Variants in PTGER4 observed in about 807,000 individuals in gnomAD.
PTGER4 encodes prostaglandin E2 receptor EP4 subtype.
A neutral mutation model predicts 33.2 loss-of-function variants in PTGER4; 11 were observed. The ratio of observed to expected loss-of-function variants is 0.33; its 90% confidence interval spans 0.21 to 0.55. The LOEUF (loss-of-function observed/expected upper bound fraction) is 0.55, where lower values mean the gene tolerates loss of function less well. PTGER4 is among the 20% of genes least tolerant of loss of function. The probability of loss-of-function intolerance (pLI) is 0.92; values close to 1 mark genes in which losing one functional copy is unlikely to be tolerated. For missense variants in PTGER4, 481 were observed against 650.2 expected (o/e 0.74, Z 2.83); for synonymous variants, 275 against 281.5 (o/e 0.98, Z 0.23).
the PTGER4 span, chr5:40,746,798 CT>C: frequency 6.2e-7 from 1 of 1,608,774 alleles, no homozygotes; most frequent in South Asian, 1.1e-5. Flanking sequence ...AAATACATAC[CT>C]TTTATTTTCA....
At chr5:40,716,715 G>C in the PTGER4 span, among the ~76,000 whole-genome samples, 1 of 152,038 alleles carries the variant, frequency 6.6e-6, no homozygotes, top group East Asian at 1.9e-4. Context: ...ATATGCTTAT[G>C]GACTAAAAGC....
the PTGER4 span, among the ~76,000 whole-genome samples, chr5:40,709,812 C>G: frequency 6.6e-6 from 1 of 152,244 alleles, no homozygotes; most frequent in Non-Finnish European, 1.5e-5. Flanking sequence ...ACCAAAACAG[C>G]ATGGTACTGG....
At chr5:40,684,703 G>T (rs1176193665) in intron 2 of PTGER4, among the ~76,000 whole-genome samples, 1 of 152,170 alleles carries the variant, frequency 6.6e-6, no homozygotes, top group Non-Finnish European at 1.5e-5. Flanking sequence ...TTTGAACTGG[G>T]TCATAATTAA....
At chr5:40,718,585 C>G in the PTGER4 span, among the ~76,000 whole-genome samples, 14 of 151,774 alleles carry the variant, frequency 9.2e-5, no homozygotes, top group African/African-American at 3.4e-4. Context: ...ACTAAAAATA[C>G]AAAAATTAGC....
At chr5:40,716,813 G>T in the PTGER4 span, among the ~76,000 whole-genome samples, 1 of 152,218 alleles carries the variant, frequency 6.6e-6, no homozygotes, top group South Asian at 2.1e-4. Flanking sequence ...TACATTTGGG[G>T]ATTTCCTGGG....
At chr5:40,696,329 T>C (rs562373374), downstream of PTGER4, among the ~76,000 whole-genome samples, 2 of 152,184 alleles carry the variant, frequency 1.3e-5, no homozygotes, top group South Asian at 4.1e-4. Context: ...GAACAAACCA[T>C]GTTTGGTTTC....
rs1741149373 is a variant in PTGER4 at position 40,680,225 on chromosome 5, G to C, written c.-297G>C. Reference sequence around the variant, plus strand: ...ACTCGTCTTTGAAGGAAAAAAAATAGCGAGTAAGAAATCCAGCACCATTCT... The same window carrying C: ...ACTCGTCTTTGAAGGAAAAAAAATACCGAGTAAGAAATCCAGCACCATTCT... On this transcript the variant is annotated 5_prime_UTR_variant, in exon 1 of 3. Transcript: ENST00000302472. This position sits in a 1 kb window ranked among gnomAD's most constrained non-coding sequence, Gnocchi z 5.5. The C allele has an allele frequency of 6.6e-6, 1 of 152,512 alleles. No individual in the cohort carries two copies. Among genetic ancestry groups the C allele is most frequent in the African/African-American group, 2.4e-5 (1 of 41,470 alleles). 9.4% of individuals were successfully genotyped at this position (152,512 alleles called of 1,614,324 possible).
chr5:40,731,794 T>A, the PTGER4 span, among the ~76,000 whole-genome samples: 1 of 152,178 alleles, frequency 6.6e-6, no homozygotes, highest in South Asian at 2.1e-4. Context: ...CAAAGGCTCC[T>A]CCTCTAAGAC....
rs768268072 is a variant in PTGER4 at position 40,681,033 on chromosome 5, C to G, written c.40C>G (p.Pro14Ala). ...GGTCAATTCGTCCGCCTCCTTGAGC[C>G]CCGACCGGCTGAACAGCCCAGTGAC... is the stretch of plus-strand genomic sequence containing the variant. ...PGVNSSASLS[P>A]DRLNSPVTIP... Residue 14 changes from proline (P) to alanine (A), a missense_variant, in exon 2 of 3, where the codon CCC (proline) becomes GCC (alanine). By Grantham distance (27) the Pro-to-Ala change is conservative. Coordinates refer to ENST00000302472, the MANE Select transcript of PTGER4 (RefSeq NM_000958.3). This position sits in a 1 kb window ranked among gnomAD's most constrained non-coding sequence, Gnocchi z 9.8. The G allele has an allele frequency of 1.2e-6, 2 of 1,613,930 alleles. No individual in the cohort carries two copies. Among genetic ancestry groups the G allele is most frequent in the Non-Finnish European group, 1.7e-6 (2 of 1,179,970 alleles).
the PTGER4 span, chr5:40,716,143 C>T: frequency 6.3e-7 from 1 of 1,591,552 alleles, no homozygotes; most frequent in Non-Finnish European, 8.6e-7. Flanking sequence ...ATGCATACTG[C>T]TTCATCGGGC....
At chr5:40,703,487 G>T in the PTGER4 span, among the ~76,000 whole-genome samples, 1 of 152,082 alleles carries the variant, frequency 6.6e-6, no homozygotes, top group Non-Finnish European at 1.5e-5. Context: ...CTCTGAAATT[G>T]AATCAGTAAT....
chr5:40,716,323 T>TA, the PTGER4 span: 1 of 1,614,222 alleles, frequency 6.2e-7, no homozygotes, highest in Admixed American at 1.7e-5. Context: ...TTCAAAGTCA[T>TA]AGTCTGGAAT....
chr5:40,733,031 A>C, the PTGER4 span, among the ~76,000 whole-genome samples: 1 of 152,230 alleles, frequency 6.6e-6, no homozygotes, highest in African/African-American at 2.4e-5. Context: ...ACACAGGAAA[A>C]AAAAATGGTA....
chr5:40,708,789 T>C, the PTGER4 span, among the ~76,000 whole-genome samples: 1 of 152,268 alleles, frequency 6.6e-6, no homozygotes, highest in Non-Finnish European at 1.5e-5. Context: ...CTCAATAAAA[T>C]ATTGGCAAAC....
chr5:40,718,737 C>T, the PTGER4 span, among the ~76,000 whole-genome samples: 2 of 146,576 alleles, frequency 1.4e-5, no homozygotes, highest in African/African-American at 2.5e-5. Context: ...GATTCCGTCT[C>T]GAAAAAAAAA....
rs1238202533 is a variant in PTGER4 at position 40,680,882 on chromosome 5, G to A, written c.-43-69G>A. 3.8e-6 allele frequency: 5 copies of A among 1,320,258 alleles called. No individual in the cohort carries two copies. The highest frequency in any genetic ancestry group is 5.2e-6 in the Non-Finnish European group (5 of 966,396). 81.8% of individuals were successfully genotyped at this position (1,320,258 alleles called of 1,614,324 possible). A position where few individuals can be genotyped will look rare whatever the true frequency, so the allele number is the denominator to read the frequency against. On this transcript the variant is annotated intron_variant, in intron 1 of 2. Transcript: ENST00000302472. This position sits in a 1 kb window ranked among gnomAD's most constrained non-coding sequence, Gnocchi z 5.5. ...CTTATCAGTGTATCGTTTCTCGGGC[G>A]CGGGTCTAACACCTTACAAGTGGTA... is the stretch of plus-strand genomic sequence containing the variant.
At chr5:40,687,822 C>G (rs1741365578) in intron 2 of PTGER4, among the ~76,000 whole-genome samples, 1 of 152,042 alleles carries the variant, frequency 6.6e-6, no homozygotes, top group Non-Finnish European at 1.5e-5. Flanking sequence ...ATTGAATGAC[C>G]AGGTTCAGTG....
At chr5:40,703,055 A>T in the PTGER4 span, among the ~76,000 whole-genome samples, 1 of 152,244 alleles carries the variant, frequency 6.6e-6, no homozygotes, top group African/African-American at 2.4e-5. Flanking sequence ...TCCAAATCAA[A>T]AAGTTACAAA....
At chr5:40,685,449 C>G (rs560484162) in intron 2 of PTGER4, 1 of 985,356 alleles carries the variant, frequency 1.0e-6, no homozygotes, top group Admixed American at 6.1e-5. Context: ...GTGTGAAGCA[C>G]ATCTATACAT....
Sources: allele counts gnomAD v4.1 joint callset (sites outside exome capture counted in the v4.1 genomes callset), GRCh38; gene constraint gnomAD v4.1.1; non-coding constraint Gnocchi (gnomAD v3.1); transcripts MANE v1.5; gene names NCBI Gene and HGNC (gene_info 2026-07-23, HGNC 2026-07-21).